HTR2C: variants seen among roughly 807,000 people sequenced by gnomAD.
HTR2C encodes 5-hydroxytryptamine receptor 2C, also known as 5-hydroxytryptamine (serotonin) receptor 2C, G protein-coupled.
In HTR2C, 5 loss-of-function variants were observed where a neutral mutation model predicts 21.0. The ratio of observed to expected loss-of-function variants is 0.24; its 90% CI spans 0.12 to 0.50. The LOEUF (loss-of-function observed/expected upper bound fraction) is 0.50. HTR2C is among the 20% of genes least tolerant of loss of function. The pLI, the probability that HTR2C is intolerant of heterozygous loss-of-function variation, is 0.98. For synonymous variants in HTR2C, 150 were observed against 145.3 expected (o/e 1.03, Z -0.23); for missense variants, 271 against 371.2 (o/e 0.73, Z 2.22).
chrX:114,740,493 A>G (rs2069634493), intron 4 of HTR2C, among the ~76,000 whole-genome samples: 1 of 111,799 alleles, frequency 8.9e-6, no homozygotes, highest in Admixed American at 9.5e-5. Context: ...ACGTGTGTTA[A>G]TAGCAACATA....
At chrX:114,893,061 C>T (rs1331490024) in intron 5 of HTR2C, among the ~76,000 whole-genome samples, 13 of 108,402 alleles carry the variant, frequency 1.2e-4, no homozygotes, top group South Asian at 4.0e-4. Flanking sequence ...TACAGGCGCC[C>T]GCCACCACAC....
At chrX:114,606,682 C>T (rs782736844) in intron 1 of HTR2C, among the ~76,000 whole-genome samples, 3 of 111,760 alleles carry the variant, frequency 2.7e-5, no homozygotes, top group Admixed American at 1.9e-4. Context: ...TTGGGCTGGT[C>T]GGTCTGAGGA....
chrX:114,805,810 C>T lies in HTR2C; in HGVS notation c.350-42193C>T, dbSNP rs868952807. 1.3e-3 allele frequency among the ~76,000 whole-genome samples: 120 copies of T among 93,596 alleles called. 14 individuals carry two copies. The highest frequency in any genetic ancestry group is 5.3e-3 in the African/African-American group (115 of 21,690). The allele number at this position is 93,596 out of a possible 115,157, so 81.3% of individuals were successfully genotyped here. On this transcript the variant is annotated intron_variant, in intron 4 of 5. Coordinates refer to ENST00000276198, the MANE Select transcript of HTR2C (RefSeq NM_000868.4). ...ACACCATATATATACCATGTATATACACCATATATATACCATATATATACC... is the reference window on the plus strand; with the variant it reads ...ACACCATATATATACCATGTATATATACCATATATATACCATATATATACC...
intron 2 of HTR2C, among the ~76,000 whole-genome samples, chrX:114,724,072 G>T (rs1933339785): frequency 9.5e-6 from 1 of 104,990 alleles, no homozygotes; most frequent in Non-Finnish European, 2.0e-5. Context: ...GGGTATCCTT[G>T]TTGACTTTCT....
In HTR2C at chrX:114,731,522, C is replaced by A. The variant is rs943305032; in HGVS notation, c.264C>A (p.Thr88=). The change falls in exon 4 of 6, where the codon ACC becomes ACA. Residue 88 remains threonine, a synonymous_variant. Coordinates refer to ENST00000276198, the MANE Select transcript of HTR2C (RefSeq NM_000868.4). The part of the protein sequence containing the change: ...VSMEKKLHNA[T]NYFLMSLAIA... ...TGGAAAAGAAACTGCACAATGCCAC[C>A]AATTACTTCTTAATGTCCCTAGCCA... 3.3e-6 allele frequency: 4 copies of A among 1,206,423 alleles called. No homozygotes were observed. The highest frequency in any genetic ancestry group is 4.5e-6 in the Non-Finnish European group (4 of 890,976).
Position 114,796,405 on chromosome X carries a change from G to T in HTR2C, c.350-51598G>T, listed in dbSNP as rs368176990. ...ACCTGGCAGTGTGAATTCCGTTTTG[G>T]ACAGGTAAGGCTGTTAAATGCAGCA... On this transcript the variant is annotated intron_variant, in intron 4 of 5. Coordinates refer to ENST00000276198, the MANE Select transcript of HTR2C (RefSeq NM_000868.4). 1.5e-4 allele frequency among the ~76,000 whole-genome samples: 17 copies of T among 111,506 alleles called. No homozygotes were observed. The East Asian group carries it at 2.3e-3, about 15-fold the overall frequency.
At chrX:114,617,739 A>T (rs1261039641) in intron 2 of HTR2C, among the ~76,000 whole-genome samples, 2 of 112,118 alleles carry the variant, frequency 1.8e-5, no homozygotes, top group East Asian at 5.6e-4. Context: ...AAAAATTAAA[A>T]AATAATTTAT....
At chrX:114,867,540 G>T (rs1166786928) in intron 5 of HTR2C, among the ~76,000 whole-genome samples, 1 of 111,120 alleles carries the variant, frequency 9.0e-6, no homozygotes, top group Non-Finnish European at 1.9e-5. Flanking sequence ...TTTTGCTTTG[G>T]TTGCTTGTGC....
In HTR2C at chrX:114,731,438, C is replaced by T. The variant is rs200005746; in HGVS notation, c.180C>T (p.Ile60=). ...DGVQNWPALS[I]VIIIIMTIGG... is the part of the protein sequence containing the mutation. ...TACAAAACTGGCCAGCACTTTCAAT[C>T]GTCATCATAATAATCATGACAATAG... Residue 60 remains isoleucine (I), a synonymous_variant, in exon 4 of 6, where the codon ATC becomes ATT. Transcript: ENST00000276198. 4.6e-5 allele frequency: 56 copies of T among 1,207,939 alleles called. No homozygotes were observed. The South Asian group carries it at 5.3e-4, about 11-fold the overall frequency.
rs1487040669 is a variant in HTR2C, at chrX:114,909,398, G to T, written c.*1983G>T. 2 of 112,241 alleles carry T rather than the reference G, an allele frequency of 1.8e-5. No homozygotes were observed. The highest frequency in any genetic ancestry group is 1.9e-4 in the Admixed American group (2 of 10,531). 9.2% of individuals were successfully genotyped at this position (112,241 alleles called of 1,213,427 possible). On this transcript the variant is annotated 3_prime_UTR_variant, in exon 6 of 6. Coordinates refer to ENST00000276198, the MANE Select transcript of HTR2C (RefSeq NM_000868.4). ...CATGAATCCATCGATTTGTATTAAT[G>T]TAGGGCAGAATAGCTGATAGAAGAA...
intron 4 of HTR2C, among the ~76,000 whole-genome samples, chrX:114,828,772 C>T (rs782007405): frequency 2.2e-4 from 24 of 111,620 alleles, no homozygotes; most frequent in Non-Finnish European, 3.8e-4. Context: ...AGTCTCCTAT[C>T]TGTCTTTAAG....
intron 2 of HTR2C, among the ~76,000 whole-genome samples, chrX:114,643,886 T>C (rs1449654073): frequency 8.9e-6 from 1 of 111,786 alleles, no homozygotes; most frequent in East Asian, 2.8e-4. Context: ...CTTCAGCCAG[T>C]GTTTTTGGTC....
At chrX:114,831,267 C>A (rs1285680706) in intron 4 of HTR2C, among the ~76,000 whole-genome samples, 1 of 73,131 alleles carries the variant, frequency 1.4e-5, no homozygotes, top group Non-Finnish European at 2.7e-5. Flanking sequence ...CCTGAGGAAT[C>A]GCCACACTGA....
intron 5 of HTR2C, among the ~76,000 whole-genome samples, chrX:114,849,025 A>G (rs782129377): frequency 1.8e-5 from 2 of 111,807 alleles, no homozygotes; most frequent in South Asian, 7.5e-4. Flanking sequence ...CTTCTATTTA[A>G]TCTTCACTAA....
intron 5 of HTR2C, among the ~76,000 whole-genome samples, chrX:114,858,059 C>A (rs370841012): frequency 5.2e-4 from 58 of 110,864 alleles, no homozygotes; most frequent in African/African-American, 1.8e-3. Context: ...TTCTATTGAT[C>A]TAATATTCTG....
chrX:114,837,267 AT>A (rs1369907590), intron 4 of HTR2C, among the ~76,000 whole-genome samples: 1 of 111,850 alleles, frequency 8.9e-6, no homozygotes, highest in Non-Finnish European at 1.9e-5. Context: ...GGTTGATGTT[AT>A]TTTTTTCTTA....
At position 114,584,263 on chromosome X, in the gene HTR2C, G is replaced by A. The variant is rs781832965; in HGVS notation, c.-543G>A. The stretch of plus-strand genomic sequence containing the variant: ...CTGTCTGTACATCGTTGTCGTCGGA[G>A]TCGTCGCGATCGTCGTGGCGCTCGT... On this transcript the variant is annotated 5_prime_UTR_variant, in exon 1 of 6. Transcript: ENST00000276198. The A allele has an allele frequency of 5.3e-5, 6 of 113,128 alleles. No individual in the cohort carries two copies. In the East Asian group the frequency reaches 1.7e-3, roughly 32 times the overall value. The allele number at this position is 113,128 out of a possible 1,213,427, so 9.3% of individuals were successfully genotyped here. A position where few individuals can be genotyped will look rare whatever the true frequency, so the allele number is the denominator to read the frequency against.
intron 4 of HTR2C, among the ~76,000 whole-genome samples, chrX:114,798,936 G>A (rs2070320740): frequency 1.8e-5 from 2 of 110,019 alleles, no homozygotes; most frequent in Admixed American, 2.0e-4. Flanking sequence ...TTTCCATAAG[G>A]TTAAACAGCC....
chrX:114,628,054 T>C (rs911035192), intron 2 of HTR2C, among the ~76,000 whole-genome samples: 7 of 112,071 alleles, frequency 6.2e-5, no homozygotes, highest in African/African-American at 2.3e-4. Context: ...AATATCAAGA[T>C]TGCATGTAGC....
Sources: gnomAD v4.1 joint callset for allele counts (sites outside exome capture counted in the v4.1 genomes callset) on GRCh38, gnomAD v4.1.1 for gene constraint, MANE v1.5 for transcripts, NCBI Gene and HGNC (gene_info 2026-07-23, HGNC 2026-07-21) for gene names.